LDB2: variants seen among roughly 807,000 people sequenced by gnomAD.
The protein encoded by LDB2 is LIM domain binding 2.
A neutral mutation model predicts 44.3 loss-of-function variants in LDB2; 12 were observed. The observed-to-expected ratio is 0.27, with a 90% CI of 0.17 to 0.44. LDB2 has a LOEUF of 0.44. Among genes scored for constraint, LDB2 ranks in the 20% least tolerant of loss-of-function variants. LDB2 has a pLI of 1.00. For synonymous variants in LDB2, 164 were observed against 174.8 expected, an observed-to-expected ratio of 0.94 and a Z score of 0.49; for missense variants, 344 against 473.5, an observed-to-expected ratio of 0.73 and a Z score of 2.54.
intron 1 of LDB2, among the ~76,000 whole-genome samples, chr4:16,844,476 C>T (rs1189124102): frequency 6.6e-6 from 1 of 152,098 alleles, no homozygotes; most frequent in Non-Finnish European, 1.5e-5. Flanking sequence ...ACTTGGGGCT[C>T]TCTCATATCC....
Position 16,697,860 on chromosome 4 carries a change from G to A in LDB2, c.235+61298C>T, listed in dbSNP as rs140175588. Reference sequence around the variant, plus strand: ...ATATATGTAAGTCAGATTGATTTACGTAGTAGTAAGTTAAAGCAAATTAGA... The same window carrying A: ...ATATATGTAAGTCAGATTGATTTACATAGTAGTAAGTTAAAGCAAATTAGA... On this transcript the variant is annotated intron_variant, in intron 2 of 7. Coordinates refer to ENST00000304523, the MANE Select transcript of LDB2 (RefSeq NM_001290.5). Among the ~76,000 whole-genome samples, 1,411 of 152,252 alleles carry A rather than the reference G, an allele frequency of 9.3e-3. 27 individuals are homozygous for A. The highest frequency in any genetic ancestry group is 0.032 in the African/African-American group (1,312 of 41,540).
chr4:16,633,809 AT>A (rs1732734100), intron 2 of LDB2, among the ~76,000 whole-genome samples: 1 of 152,240 alleles, frequency 6.6e-6, no homozygotes, highest in South Asian at 2.1e-4. Context: ...AGCCAAGACA[AT>A]CCTGGTCAAG....
chr4:16,641,439 G>T (rs1735138819), intron 2 of LDB2, among the ~76,000 whole-genome samples: 1 of 152,142 alleles, frequency 6.6e-6, no homozygotes, highest in African/African-American at 2.4e-5. Context: ...TTGGCTCATG[G>T]CTCTGCAGGC....
At chr4:16,750,520 G>A (rs1237029896) in intron 2 of LDB2, among the ~76,000 whole-genome samples, 2 of 152,256 alleles carry the variant, frequency 1.3e-5, no homozygotes, top group East Asian at 3.9e-4. Flanking sequence ...TACAGTGTCT[G>A]GAAATAAACA....
At chr4:16,503,852 G>A (rs962726605) in intron 7 of LDB2, among the ~76,000 whole-genome samples, 16 of 152,148 alleles carry the variant, frequency 1.1e-4, no homozygotes, top group Non-Finnish European at 1.9e-4. Flanking sequence ...GGGAGCATGG[G>A]GAGGCCACAG....
chr4:16,529,262 T>G (rs1729314565), intron 5 of LDB2, among the ~76,000 whole-genome samples: 1 of 152,182 alleles, frequency 6.6e-6, no homozygotes, highest in South Asian at 2.1e-4. Context: ...TTAGTTTTTA[T>G]GCCCATGCTT....
chr4:16,581,442 T>C lies in LDB2; in HGVS notation c.615+4480A>G, dbSNP rs1207451674. The stretch of plus-strand genomic sequence containing the variant: ...GCTGTTACTGGAAAAAAAAAATCTT[T>C]TGAATTATATCACTCAGCCAGGGTG... On this transcript the variant is annotated intron_variant, in intron 5 of 7. Transcript: ENST00000304523. 8 of 985,198 alleles carry C rather than the reference T, an allele frequency of 8.1e-6. No individual in the cohort carries two copies. In the Admixed American group the frequency reaches 4.9e-4, roughly 61 times the overall value. The allele number at this position is 985,198 out of a possible 1,614,324, so 61.0% of individuals were successfully genotyped here.
intron 1 of LDB2, among the ~76,000 whole-genome samples, chr4:16,833,175 G>A (rs1784332114): frequency 6.6e-6 from 1 of 152,178 alleles, no homozygotes. Flanking sequence ...AGCTAGGTCT[G>A]TCTAATGTTC....
intron 1 of LDB2, among the ~76,000 whole-genome samples, chr4:16,835,092 A>AT (rs1330981775): frequency 6.6e-6 from 1 of 152,224 alleles, no homozygotes; most frequent in Non-Finnish European, 1.5e-5. Context: ...GGAATTGCTA[A>AT]TTACAGACAT....
At chr4:16,855,102 G>C (rs1789086075) in intron 1 of LDB2, among the ~76,000 whole-genome samples, 1 of 152,054 alleles carries the variant, frequency 6.6e-6, no homozygotes, top group Admixed American at 6.5e-5. Context: ...TAAAGTAACT[G>C]TTCTCAAGTA....
chr4:16,817,840 T>G (rs1048317510), intron 1 of LDB2, among the ~76,000 whole-genome samples: 2 of 152,212 alleles, frequency 1.3e-5, no homozygotes, highest in African/African-American at 4.8e-5. Flanking sequence ...TGTATCATGC[T>G]GCCTCTAGGA....
At chr4:16,591,810 C>T (rs1049672491) in intron 3 of LDB2, among the ~76,000 whole-genome samples, 5 of 151,496 alleles carry the variant, frequency 3.3e-5, no homozygotes, top group Admixed American at 6.6e-5. Flanking sequence ...CTTCTCTCTT[C>T]AGAAAAATTC....
chr4:16,572,365 G>T lies in LDB2; in HGVS notation c.615+13557C>A, dbSNP rs540588014. Among the ~76,000 whole-genome samples the T allele has an allele frequency of 6.6e-5, 10 of 152,052 alleles. No individual in the cohort carries two copies. In the South Asian group the frequency reaches 2.1e-3, roughly 32 times the overall value. On this transcript the variant is annotated intron_variant, in intron 5 of 7. Transcript: ENST00000304523. ...CTGACTGCCAATTTCCCACCTTACC[G>T]TCTGTCTTGACTTTCAGTGTCTTGT... is the stretch of plus-strand genomic sequence containing the variant.
intron 2 of LDB2, among the ~76,000 whole-genome samples, chr4:16,610,112 A>G (rs759344536): frequency 1.6e-4 from 25 of 151,878 alleles, no homozygotes; most frequent in Non-Finnish European, 3.2e-4. Context: ...ACCCCTACAG[A>G]AGAGGGAGTT....
chr4:16,610,705 C>G (rs145940728), intron 2 of LDB2, among the ~76,000 whole-genome samples: 3 of 151,246 alleles, frequency 2.0e-5, no homozygotes, highest in African/African-American at 7.3e-5. Context: ...CCAAGAAATA[C>G]GGGACTTCAT....
intron 5 of LDB2, among the ~76,000 whole-genome samples, chr4:16,544,987 G>A (rs1395417774): frequency 6.6e-6 from 1 of 152,098 alleles, no homozygotes; most frequent in Non-Finnish European, 1.5e-5. Context: ...GATGGAGAGA[G>A]AACAGCGAGT....
At chr4:16,842,393 C>CA (rs1242938010) in intron 1 of LDB2, among the ~76,000 whole-genome samples, 1 of 151,758 alleles carries the variant, frequency 6.6e-6, no homozygotes, top group Non-Finnish European at 1.5e-5. Flanking sequence ...AACTAATTTA[C>CA]AAAATAAACC....
intron 1 of LDB2, among the ~76,000 whole-genome samples, chr4:16,812,702 C>T (rs1380405376): frequency 7.0e-6 from 1 of 143,502 alleles, no homozygotes. Context: ...TTAACTACTC[C>T]AAAGTCTTTG....
intron 2 of LDB2, among the ~76,000 whole-genome samples, chr4:16,724,334 G>A (rs984704651): frequency 7.9e-5 from 12 of 151,504 alleles, no homozygotes; most frequent in Non-Finnish European, 1.5e-4. Context: ...TGTGTTGGAT[G>A]CAGGGAGATT....
Sources: allele counts gnomAD v4.1 joint callset (sites outside exome capture counted in the v4.1 genomes callset), GRCh38; gene constraint gnomAD v4.1.1; transcripts MANE v1.5; gene names NCBI Gene and HGNC (gene_info 2026-07-23, HGNC 2026-07-21).